ROBO1: variants seen among roughly 807,000 people sequenced by gnomAD.
ROBO1 encodes the protein roundabout guidance receptor 1.
In ROBO1, 149 loss-of-function variants were observed where a neutral mutation model predicts 195.9. The observed-to-expected ratio is 0.76, with a 90% confidence interval of 0.67 to 0.87. The LOEUF (loss-of-function observed/expected upper bound fraction) is 0.87. Among genes scored for constraint, ROBO1 ranks in the 40% least tolerant of loss-of-function variants. ROBO1 has a pLI of 0.00. For missense variants in ROBO1, 1,933 were observed against 2,068.3 expected (o/e 0.93, Z 1.27); for synonymous variants, 816 against 733.2 (o/e 1.11, Z -1.82).
intron 3 of ROBO1, chr3:79,018,419 A>G (rs909404236): frequency 6.2e-7 from 1 of 1,613,932 alleles, no homozygotes; most frequent in Admixed American, 1.7e-5. Flanking sequence ...GAACAGAGAC[A>G]TATTAATCCA....
At chr3:79,279,403 C>G (rs1281626847) in intron 2 of ROBO1, among the ~76,000 whole-genome samples, 2 of 151,996 alleles carry the variant, frequency 1.3e-5, no homozygotes, top group African/African-American at 4.8e-5. Context: ...AGATCATCAA[C>G]GAAATGCAAA....
At chr3:78,858,677 G>A (rs2034603695) in intron 4 of ROBO1, among the ~76,000 whole-genome samples, 1 of 151,784 alleles carries the variant, frequency 6.6e-6, no homozygotes, top group South Asian at 2.1e-4. Context: ...TTGAGAACGG[G>A]AGGTGGATAT....
At chr3:78,788,261 G>C (rs540990520) in intron 4 of ROBO1, among the ~76,000 whole-genome samples, 2 of 150,186 alleles carry the variant, frequency 1.3e-5, no homozygotes, top group Non-Finnish European at 3.0e-5. Flanking sequence ...GGCTAAAGGC[G>C]CCCGCCACCA....
chr3:79,255,121 G>A (rs546832395), intron 2 of ROBO1, among the ~76,000 whole-genome samples: 3 of 152,222 alleles, frequency 2.0e-5, no homozygotes, highest in East Asian at 1.9e-4. Context: ...GGATTTATGC[G>A]TCCATTATCC....
At chr3:78,947,568 G>T (rs182064406) in intron 3 of ROBO1, among the ~76,000 whole-genome samples, 2 of 152,168 alleles carry the variant, frequency 1.3e-5, no homozygotes, top group Non-Finnish European at 2.9e-5. Flanking sequence ...ACAAGGAAAA[G>T]TAGGAAAGAT....
intron 2 of ROBO1, among the ~76,000 whole-genome samples, chr3:79,458,116 A>C (rs1483176963): frequency 6.6e-6 from 1 of 152,174 alleles, no homozygotes; most frequent in Non-Finnish European, 1.5e-5. Context: ...TTCTCATTTT[A>C]AATAGCAAGA....
chr3:79,179,916 T>C (rs1411652803), intron 2 of ROBO1, among the ~76,000 whole-genome samples: 1 of 152,216 alleles, frequency 6.6e-6, no homozygotes, highest in Non-Finnish European at 1.5e-5. Flanking sequence ...ACTGGCCATA[T>C]GTTGATTTTA....
chr3:79,166,346 G>T (rs754188654), intron 2 of ROBO1, among the ~76,000 whole-genome samples: 11 of 152,002 alleles, frequency 7.2e-5, no homozygotes, highest in Admixed American at 1.3e-4. Context: ...GGTTATGATG[G>T]TACTGCAGAT....
chr3:78,724,837 T>C (rs1332076219), intron 5 of ROBO1, among the ~76,000 whole-genome samples: 3 of 152,214 alleles, frequency 2.0e-5, no homozygotes, highest in African/African-American at 7.2e-5. Context: ...AAGAAAAATA[T>C]GTCTAACACA....
chr3:79,034,602 G>A (rs1413847234), intron 3 of ROBO1, among the ~76,000 whole-genome samples: 1 of 152,106 alleles, frequency 6.6e-6, no homozygotes, highest in East Asian at 1.9e-4. Flanking sequence ...AAAACTAGAA[G>A]AGGTCTAAAT....
intron 8 of ROBO1, among the ~76,000 whole-genome samples, chr3:78,704,416 G>A (rs1436558826): frequency 6.6e-6 from 1 of 152,072 alleles, no homozygotes; most frequent in East Asian, 1.9e-4. Flanking sequence ...TCTATTTATG[G>A]AAACCACAGA....
At chr3:79,661,851 T>C (rs1436135275) in intron 1 of ROBO1, among the ~76,000 whole-genome samples, 2 of 152,092 alleles carry the variant, frequency 1.3e-5, no homozygotes, top group African/African-American at 2.4e-5. Context: ...GCAGGGAATG[T>C]AGCAAATACT....
intron 2 of ROBO1, among the ~76,000 whole-genome samples, chr3:79,272,067 A>G (rs2030616322): frequency 6.6e-6 from 1 of 152,032 alleles, no homozygotes; most frequent in South Asian, 2.1e-4. Context: ...ATATAGAGCT[A>G]AATCTATTTT....
chr3:79,458,478 T>C (rs2039690849), intron 2 of ROBO1, among the ~76,000 whole-genome samples: 1 of 152,140 alleles, frequency 6.6e-6, no homozygotes, highest in South Asian at 2.1e-4. Flanking sequence ...TGGTAAAGGA[T>C]GCATGAGGGG....
In ROBO1 at chr3:79,330,792, C is replaced by T. The variant is rs533817200; in HGVS notation, c.89-205253G>A. Among the ~76,000 whole-genome samples, 145 of 151,914 alleles carry T rather than the reference C, an allele frequency of 9.5e-4. 1 individual carries two copies. In the Middle Eastern group the frequency reaches 0.017, roughly 18 times the overall value. On this transcript the variant is annotated intron_variant, in intron 2 of 30. Transcript: ENST00000464233. ...GACATTTTGTAGTTAAAGGGACTGG[C>T]CTTATAGTTTGAAACTCAGGCTTCT...
At chr3:79,523,298 T>G (rs996630077) in intron 2 of ROBO1, among the ~76,000 whole-genome samples, 7 of 152,102 alleles carry the variant, frequency 4.6e-5, no homozygotes, top group Non-Finnish European at 1.0e-4. Flanking sequence ...AATGTATTTG[T>G]TAATTGGCTA....
rs533281784 is a variant in ROBO1 at position 78,600,915 on chromosome 3, C to T, written c.4745-606G>A. On this transcript the variant is annotated intron_variant, in intron 29 of 30. Coordinates refer to ENST00000464233, the MANE Select transcript of ROBO1 (RefSeq NM_002941.4). ...ACAGACACCAAAATATCAACCTCCA[C>T]GTCAATGTCCTATTTACATTGTGGA... Among the ~76,000 whole-genome samples the T allele has an allele frequency of 4.6e-5, 7 of 152,272 alleles. No individual in the cohort carries two copies. The East Asian group carries it at 7.7e-4, about 17-fold the overall frequency.
At position 79,387,863 on chromosome 3, in the gene ROBO1, C is replaced by T. The variant is rs190209076; in HGVS notation, c.88+201961G>A. Reference sequence around the variant, plus strand: ...AGAGTAGGATAATGGCTTTGAGAGACGCTGCCAGATCCGATTCAATGTGAC... The same window carrying T: ...AGAGTAGGATAATGGCTTTGAGAGATGCTGCCAGATCCGATTCAATGTGAC... On this transcript the variant is annotated intron_variant, in intron 2 of 30. Transcript: ENST00000464233. Among the ~76,000 whole-genome samples, 184 of 152,190 alleles carry T rather than the reference C, an allele frequency of 1.2e-3. 2 individuals are homozygous for T. The highest frequency in any genetic ancestry group is 4.2e-3 in the African/African-American group (173 of 41,530).
Position 79,252,023 on chromosome 3 carries a change from A to G in ROBO1, c.89-126484T>C, listed in dbSNP as rs186587597. ...GTCTTTAAAATAGGCAATTTTAAAG[A>G]AAAAAAAAAAAGAACAACCAATATG... On this transcript the variant is annotated intron_variant, in intron 2 of 30. Coordinates refer to ENST00000464233, the MANE Select transcript of ROBO1 (RefSeq NM_002941.4). 3.8e-5 allele frequency among the ~76,000 whole-genome samples: 5 copies of G among 129,982 alleles called. No individual in the cohort carries two copies. The East Asian group carries it at 9.9e-4, about 26-fold the overall frequency. 85.3% of individuals were successfully genotyped at this position (129,982 alleles called of 152,430 possible).
Sources: allele counts gnomAD v4.1 joint callset (sites outside exome capture counted in the v4.1 genomes callset), GRCh38; gene constraint gnomAD v4.1.1; transcripts MANE v1.5; gene names NCBI Gene and HGNC (gene_info 2026-07-23, HGNC 2026-07-21).